Variants in CACNA1D observed in about 807,000 individuals in gnomAD.
CACNA1D encodes the protein calcium voltage-gated channel subunit alpha1 D.
CACNA1D carries 55 observed loss-of-function variants against 257.1 expected under a neutral mutation model. That is an observed-to-expected ratio of 0.21 (90% CI 0.17 to 0.27). The LOEUF is 0.27. CACNA1D is among the 10% of genes least tolerant of loss of function. The probability of loss-of-function intolerance (pLI) is 1.00; values close to 1 mark genes in which losing one functional copy is unlikely to be tolerated. For synonymous variants in CACNA1D, 980 were observed against 1,014.9 expected (o/e 0.97, Z 0.65); for missense variants, 1,876 against 2,784.0 (o/e 0.67, Z 7.34).
At chr3:53,801,738 A>T (rs902092821) in intron 42 of CACNA1D, among the ~76,000 whole-genome samples, 10 of 152,304 alleles carry the variant, frequency 6.6e-5, no homozygotes, top group African/African-American at 2.4e-4. Flanking sequence ...GGGTTGGTGA[A>T]TTGTTTCTCT....
intron 37 of CACNA1D, among the ~76,000 whole-genome samples, chr3:53,779,678 C>T (rs551305907): frequency 6.6e-6 from 1 of 152,202 alleles, no homozygotes; most frequent in Admixed American, 6.5e-5. Context: ...AATCTTCCCC[C>T]ACCTTTTTGT....
intron 9 of CACNA1D, among the ~76,000 whole-genome samples, chr3:53,709,969 C>A (rs2094732752): frequency 6.6e-6 from 1 of 152,184 alleles, no homozygotes; most frequent in African/African-American, 2.4e-5. Context: ...GGGGTTAGAC[C>A]TGGCCTGTCA....
rs1395516978 is a variant in CACNA1D at position 53,702,923 on chromosome 3, C to G, written c.1390+113C>G. Reference sequence around the variant, plus strand: ...GGCTGTGAGTGGGACAGCCTCCTCCCAGCCATCTGGTCCCTTCTGCCTGCA... The same window carrying G: ...GGCTGTGAGTGGGACAGCCTCCTCCGAGCCATCTGGTCCCTTCTGCCTGCA... On this transcript the variant is annotated intron_variant, in intron 9 of 47. Coordinates refer to ENST00000350061, the MANE Select transcript of CACNA1D (RefSeq NM_001128840.3). The G allele has an allele frequency of 5.4e-6, 6 of 1,115,308 alleles. No individual in the cohort carries two copies. In the Admixed American group the frequency reaches 1.2e-4, roughly 22 times the overall value. 69.1% of individuals were successfully genotyped at this position (1,115,308 alleles called of 1,614,324 possible).
At chr3:53,525,613 G>C (rs532871405) in intron 3 of CACNA1D, among the ~76,000 whole-genome samples, 34 of 152,206 alleles carry the variant, frequency 2.2e-4, no homozygotes, top group African/African-American at 7.9e-4. Flanking sequence ...CTTGGGTGTA[G>C]GTTTTGCTTT....
At position 53,786,794 on chromosome 3, in the gene CACNA1D, G is replaced by A. The variant is rs746827591; in HGVS notation, c.4793-28G>A. The A allele has an allele frequency of 6.8e-6, 11 of 1,611,260 alleles. No homozygotes were observed. The African/African-American group carries it at 8.0e-5, about 12-fold the overall frequency. The stretch of plus-strand genomic sequence containing the variant: ...CTCTTGGTCTAATGTGCTGATTCGG[G>A]AGAGCTCTGTCTGGTCTCTCCGTTT... On this transcript the variant is annotated intron_variant, in intron 39 of 47. Transcript: ENST00000350061.
intron 3 of CACNA1D, among the ~76,000 whole-genome samples, chr3:53,557,983 C>CATGAT (rs750352773): frequency 9.9e-5 from 15 of 152,186 alleles, no homozygotes; most frequent in Admixed American, 7.9e-4. Context: ...AATTCCTGAA[C>CATGAT]ATGATATCCT....
At chr3:53,521,544 T>C (rs2091576134) in intron 3 of CACNA1D, among the ~76,000 whole-genome samples, 1 of 151,936 alleles carries the variant, frequency 6.6e-6, no homozygotes, top group African/African-American at 2.4e-5. Context: ...AGGACTGGAG[T>C]ATAAGTCTCT....
intron 9 of CACNA1D, among the ~76,000 whole-genome samples, chr3:53,715,663 A>G (rs2094810771): frequency 6.6e-6 from 1 of 152,200 alleles, no homozygotes; most frequent in Non-Finnish European, 1.5e-5. Flanking sequence ...GATGTACAGA[A>G]GTCAGGTCAC....
chr3:53,610,164 C>G (rs1375617157), intron 3 of CACNA1D, among the ~76,000 whole-genome samples: 1 of 152,114 alleles, frequency 6.6e-6, no homozygotes, highest in Admixed American at 6.5e-5. Flanking sequence ...TATTGTCTAT[C>G]TTGGTAGATA....
intron 3 of CACNA1D, among the ~76,000 whole-genome samples, chr3:53,620,958 A>G (rs2093690647): frequency 6.6e-6 from 1 of 152,212 alleles, no homozygotes; most frequent in Non-Finnish European, 1.5e-5. Context: ...TGACACTGCC[A>G]GAGGAGCACT....
intron 3 of CACNA1D, among the ~76,000 whole-genome samples, chr3:53,568,277 C>A (rs1023652297): frequency 6.6e-6 from 1 of 152,134 alleles, no homozygotes; most frequent in African/African-American, 2.4e-5. Context: ...TTTAAAATGA[C>A]CACTGACTTC....
intron 19 of CACNA1D, among the ~76,000 whole-genome samples, chr3:53,733,865 TA>T (rs11432907): frequency 1.0e-4 from 15 of 146,038 alleles, no homozygotes; most frequent in East Asian, 2.0e-4. Flanking sequence ...GGGTGTTCTT[TA>T]AAAAAAAAAG....
At chr3:53,760,350 G>A (rs950693603) in intron 29 of CACNA1D, among the ~76,000 whole-genome samples, 10 of 152,286 alleles carry the variant, frequency 6.6e-5, no homozygotes, top group Middle Eastern at 3.4e-3. Context: ...TTCTGGGTCT[G>A]TGTTTGATCA....
chr3:53,800,186 G>C lies in CACNA1D; in HGVS notation c.4924-63G>C. 8.5e-7 allele frequency: 1 copy of C among 1,181,698 alleles called. No homozygotes were observed. The highest frequency in any genetic ancestry group is 1.5e-5 in the African/African-American group (1 of 66,716). The allele number at this position is 1,181,698 out of a possible 1,614,324, so 73.2% of individuals were successfully genotyped here. ...CTGAATCAGGAAGGAGCAAAGCCAG[G>C]ACCCAGGCTGGCCCCAGGGCCCATG... On this transcript the variant is annotated intron_variant, in intron 40 of 47. Coordinates refer to ENST00000350061, the MANE Select transcript of CACNA1D (RefSeq NM_001128840.3). The surrounding 1 kb of genome is among the most constrained non-coding windows in gnomAD (Gnocchi z 4.3).
chr3:53,591,647 T>C (rs2093307336), intron 3 of CACNA1D, among the ~76,000 whole-genome samples: 1 of 152,228 alleles, frequency 6.6e-6, no homozygotes, highest in Non-Finnish European at 1.5e-5. Context: ...CTCAATGCTG[T>C]GTCGATTTGC....
At chr3:53,765,784 G>C (rs1374116379) in intron 30 of CACNA1D, 3 of 152,188 alleles carry the variant, frequency 2.0e-5, no homozygotes, top group Non-Finnish European at 2.9e-5. Flanking sequence ...GCATGGTCCT[G>C]CCTGCGCACG....
At chr3:53,756,892 T>C (rs1426540784) in intron 29 of CACNA1D, among the ~76,000 whole-genome samples, 1 of 152,240 alleles carries the variant, frequency 6.6e-6, no homozygotes, top group Non-Finnish European at 1.5e-5. Context: ...TTTGCTGCGG[T>C]TACTGGCCTT....
At chr3:53,775,112 A>G (rs887631273) in intron 34 of CACNA1D, among the ~76,000 whole-genome samples, 3 of 152,230 alleles carry the variant, frequency 2.0e-5, no homozygotes, top group African/African-American at 7.2e-5. Context: ...AACGTCAGTT[A>G]ATTAACTTTG....
chr3:53,805,711 C>T (rs1225469889), intron 45 of CACNA1D, among the ~76,000 whole-genome samples: 2 of 151,150 alleles, frequency 1.3e-5, no homozygotes, highest in Non-Finnish European at 3.0e-5. Context: ...CCCTCATCTT[C>T]CCTCCTCCTC....
Sources: gnomAD v4.1 joint callset for allele counts (sites outside exome capture counted in the v4.1 genomes callset) on GRCh38, gnomAD v4.1.1 for gene constraint, Gnocchi (gnomAD v3.1) non-coding constraint, MANE v1.5 for transcripts, NCBI Gene and HGNC (gene_info 2026-07-23, HGNC 2026-07-21) for gene names.